Variants in TCERG1 observed in about 807,000 individuals in gnomAD.
The protein encoded by TCERG1 is TATA box binding protein (TBP)-associated factor, RNA polymerase II, S, 150kD.
TCERG1 carries 37 observed loss-of-function variants against 144.7 expected under a neutral mutation model. The observed-to-expected ratio is 0.26, with a 90% confidence interval of 0.20 to 0.34. The LOEUF (loss-of-function observed/expected upper bound fraction) is 0.34, where lower values mean the gene tolerates loss of function less well. Among genes scored for constraint, TCERG1 ranks in the 10% least tolerant of loss-of-function variants. The pLI, the probability that TCERG1 is intolerant of heterozygous loss-of-function variation, is 1.00. For synonymous variants in TCERG1, 492 were observed against 458.2 expected (o/e 1.07, Z -0.94); for missense variants, 1,027 against 1,380.7 (o/e 0.74, Z 4.06).
chr5:146,492,342 G>A (rs917358114), intron 15 of TCERG1, among the ~76,000 whole-genome samples: 5 of 152,116 alleles, frequency 3.3e-5, no homozygotes, highest in Non-Finnish European at 7.4e-5. Context: ...AGCTTTGCAA[G>A]TTGCTGGTTC....
chr5:146,459,823 C>G (rs528926833), intron 4 of TCERG1, among the ~76,000 whole-genome samples: 3 of 152,194 alleles, frequency 2.0e-5, no homozygotes, highest in African/African-American at 7.2e-5. Flanking sequence ...TAAGCAGGTT[C>G]ACAGGTAAGG....
intron 1 of TCERG1, among the ~76,000 whole-genome samples, chr5:146,451,613 G>C (rs908339726): frequency 6.6e-6 from 1 of 151,348 alleles, no homozygotes; most frequent in East Asian, 2.0e-4. Context: ...GTGAGCCACC[G>C]GGGGGCGTCC....
chr5:146,455,335 T>G, intron 2 of TCERG1, 54 bp downstream of exon 2: 1 of 1,586,406 alleles, frequency 6.3e-7, no homozygotes. Context: ...CAATATTATA[T>G]ATGGGTTTTG....
Position 146,469,578 on chromosome 5 carries a change from C to T in TCERG1, c.1233C>T (p.Pro411=). ...VLPGMAPPIV[P]MIHPQVAIAA... The stretch of plus-strand genomic sequence containing the variant: ...CAGGAATGGCCCCTCCTATCGTACC[C>T]ATGATACATCCCCAGGTTGCTATTG... The change falls in exon 7 of 23, where the codon CCC becomes CCT. Residue 411 remains proline (P), a synonymous_variant. Transcript: ENST00000679501. The T allele has an allele frequency of 6.2e-7, 1 of 1,612,190 alleles. No homozygotes were observed. The highest frequency in any genetic ancestry group is 8.5e-7 in the Non-Finnish European group (1 of 1,179,090).
intron 19 of TCERG1, chr5:146,504,338 A>G (rs749539737): frequency 8.8e-5 from 16 of 181,600 alleles, no homozygotes; most frequent in South Asian, 2.0e-4. Context: ...GCTGAACACA[A>G]TTTAACCTTT....
At chr5:146,502,115 C>T (rs982348275) in intron 17 of TCERG1, among the ~76,000 whole-genome samples, 2 of 151,926 alleles carry the variant, frequency 1.3e-5, no homozygotes, top group East Asian at 1.9e-4. Flanking sequence ...AGGCTGGTCT[C>T]GAACTCGTGA....
chr5:146,448,043 C>G (rs1007606573), intron 1 of TCERG1, among the ~76,000 whole-genome samples: 1 of 152,202 alleles, frequency 6.6e-6, no homozygotes, highest in African/African-American at 2.4e-5. Context: ...CCAGTAAACC[C>G]TTTACTTAGG....
At chr5:146,498,027 T>G (rs761163822) in intron 16 of TCERG1, among the ~76,000 whole-genome samples, 7 of 152,210 alleles carry the variant, frequency 4.6e-5, no homozygotes, top group African/African-American at 1.4e-4. Context: ...AAGACTATGG[T>G]ACTCTAGTTG....
At chr5:146,500,397 T>G (rs1219631768) in intron 17 of TCERG1, among the ~76,000 whole-genome samples, 1 of 40,428 alleles carries the variant, frequency 2.5e-5, no homozygotes, top group Non-Finnish European at 5.5e-5. Flanking sequence ...GTATATTGTG[T>G]ATACTTAAAA....
intron 15 of TCERG1, among the ~76,000 whole-genome samples, chr5:146,491,859 G>A (rs772370166): frequency 1.3e-5 from 2 of 152,088 alleles, no homozygotes; most frequent in Non-Finnish European, 2.9e-5. Flanking sequence ...CATACGTAAG[G>A]GTATAAGCAT....
intron 5 of TCERG1, among the ~76,000 whole-genome samples, chr5:146,467,979 G>A (rs1202603075): frequency 6.6e-6 from 1 of 152,112 alleles, no homozygotes; most frequent in Non-Finnish European, 1.5e-5. Context: ...GCCTTTTACT[G>A]GTATCTAAGC....
At position 146,470,633 on chromosome 5, in the gene TCERG1, T is replaced by C; in HGVS notation, c.1400-3T>C. ...AGTGACATTATCTTAATTTTTTTCA[T>C]AGAAAAGTTAGAAGAGAAGATTAAA... On this transcript the variant is annotated splice_polypyrimidine_tract_variant and splice_region_variant and intron_variant, in intron 7 of 22. Transcript: ENST00000679501. The C allele has an allele frequency of 1.3e-6, 2 of 1,588,470 alleles. No homozygotes were observed. The highest frequency in any genetic ancestry group is 3.9e-5 in the Admixed American group (2 of 51,942).
At chr5:146,448,944 TA>T (rs1762129872) in intron 1 of TCERG1, among the ~76,000 whole-genome samples, 1 of 152,248 alleles carries the variant, frequency 6.6e-6, no homozygotes, top group Admixed American at 6.5e-5. Flanking sequence ...CAAATGGCTT[TA>T]TTAATAGTCT....
rs764442857 is a variant in TCERG1 at position 146,459,306 on chromosome 5, A to G, written c.861A>G (p.Thr287=). The G allele has an allele frequency of 2.5e-6, 4 of 1,614,178 alleles. No homozygotes were observed. Among genetic ancestry groups the G allele is most frequent in the Non-Finnish European group, 3.4e-6 (4 of 1,179,998 alleles). The change falls in exon 4 of 23, where the codon ACA becomes ACG. Residue 287 remains threonine (T), a synonymous_variant. Transcript: ENST00000679501. ...STPSSTTSTT[T]TATSVAQTVS... The stretch of plus-strand genomic sequence containing the variant: ...CTTCCTCTACCACTTCTACCACAAC[A>G]ACTGCTACTTCAGTTGCGCAGACAG...
chr5:146,454,221 A>AGAAAAGAAAT (rs1229588009), intron 1 of TCERG1, among the ~76,000 whole-genome samples: 1 of 151,766 alleles, frequency 6.6e-6, no homozygotes, highest in African/African-American at 2.4e-5. Flanking sequence ...AGAAAAGAAA[A>AGAAAAGAAAT]GAAAGAACAT....
intron 10 of TCERG1, 110 bp downstream of exon 10, chr5:146,478,763 G>A: frequency 8.5e-7 from 1 of 1,171,542 alleles, no homozygotes; most frequent in Non-Finnish European, 1.1e-6. Context: ...AATATAAGAA[G>A]CATTCGAAAA....
Position 146,457,150 on chromosome 5 carries a change from A to C in TCERG1, c.286-33A>C, listed in dbSNP as rs1302872158. ...GTAATAATTTGGAGGAAAAGTAATT[A>C]AAGTGACCATTACTGTTTTTGTGAA... On this transcript the variant is annotated intron_variant, in intron 2 of 22. Transcript: ENST00000679501. 7.5e-6 allele frequency: 12 copies of C among 1,598,310 alleles called. No individual in the cohort carries two copies. The East Asian group carries it at 2.7e-4, about 36-fold the overall frequency.
At chr5:146,498,469 CT>C in intron 16 of TCERG1, 66 bp from the exon 17 acceptor site, 4 of 1,501,136 alleles carry the variant, frequency 2.7e-6, no homozygotes, top group Non-Finnish European at 3.6e-6. Context: ...AAAATGGTAT[CT>C]TCTGCTATGC....
At chr5:146,503,276 T>G (rs1767648338) in intron 17 of TCERG1, 99 bp from the exon 18 acceptor site, 2 of 1,079,784 alleles carry the variant, frequency 1.9e-6, no homozygotes, top group Non-Finnish European at 2.6e-6. Context: ...ATATTTAAGG[T>G]AGGTGAACTT....
Sources: allele counts gnomAD v4.1 joint callset (sites outside exome capture counted in the v4.1 genomes callset), GRCh38; gene constraint gnomAD v4.1.1; transcripts MANE v1.5; gene names NCBI Gene and HGNC (gene_info 2026-07-23, HGNC 2026-07-21).